PTK2: variants seen among roughly 807,000 people sequenced by gnomAD.
The protein encoded by PTK2 is focal adhesion kinase 1.
A neutral mutation model predicts 150.1 loss-of-function variants in PTK2; 45 were observed. That is an observed-to-expected ratio of 0.30 (90% CI 0.24 to 0.38). The LOEUF is 0.38. Ranked by LOEUF, PTK2 falls within the 10% of genes least tolerant of loss-of-function variation. The pLI, the probability that PTK2 is intolerant of heterozygous loss-of-function variation, is 1.00. For missense variants in PTK2, 919 were observed against 1,307.3 expected, an observed-to-expected ratio of 0.70 and a Z score of 4.58; for synonymous variants, 432 against 449.2, an observed-to-expected ratio of 0.96 and a Z score of 0.48.
At chr8:140,983,065 A>T (rs982389457) in intron 1 of PTK2, among the ~76,000 whole-genome samples, 1 of 152,208 alleles carries the variant, frequency 6.6e-6, no homozygotes, top group South Asian at 2.1e-4. Flanking sequence ...ACTAGTGGCA[A>T]CTAAAAAAAG....
At chr8:140,882,603 C>A (rs1038282080) in intron 3 of PTK2, among the ~76,000 whole-genome samples, 6 of 152,120 alleles carry the variant, frequency 3.9e-5, no homozygotes, top group African/African-American at 1.4e-4. Flanking sequence ...TAAAAGAATT[C>A]TTTTCAAGGT....
intron 1 of PTK2, among the ~76,000 whole-genome samples, chr8:140,949,658 C>T (rs778799321): frequency 5.3e-5 from 8 of 152,310 alleles, no homozygotes; most frequent in Non-Finnish European, 8.8e-5. Context: ...CTGACAAGCA[C>T]GGGAGGGAGG....
chr8:140,879,698 A>AG (rs2100147959), intron 3 of PTK2, 61 bp from the exon 4 acceptor site: 1 of 1,233,844 alleles, frequency 8.1e-7, no homozygotes, highest in Admixed American at 3.0e-5. Context: ...AAAAAAAAAA[A>AG]AAACCAAAAC....
intron 19 of PTK2, among the ~76,000 whole-genome samples, chr8:140,744,378 A>G (rs1172562634): frequency 6.6e-6 from 1 of 152,222 alleles, no homozygotes; most frequent in African/African-American, 2.4e-5. Flanking sequence ...AAAGTATCAC[A>G]ATGTTTTAAA....
At chr8:140,963,254 A>T (rs1313452407) in intron 1 of PTK2, among the ~76,000 whole-genome samples, 1 of 152,174 alleles carries the variant, frequency 6.6e-6, no homozygotes, top group African/African-American at 2.4e-5. Flanking sequence ...GAGTCTTAGG[A>T]GTACTCAGTC....
chr8:140,679,838 G>A (rs2100016044), intron 27 of PTK2, among the ~76,000 whole-genome samples: 2 of 152,164 alleles, frequency 1.3e-5, no homozygotes, highest in Admixed American at 6.5e-5. Flanking sequence ...CCCTGAAGCC[G>A]TGGCACATTT....
chr8:140,856,438 CACT>C (rs2100132684), intron 5 of PTK2, among the ~76,000 whole-genome samples: 1 of 152,036 alleles, frequency 6.6e-6, no homozygotes. Flanking sequence ...TGGATAAATA[CACT>C]ACGATATATT....
intron 1 of PTK2, chr8:140,954,785 T>C (rs1358465435): frequency 1.3e-5 from 2 of 152,138 alleles, no homozygotes; most frequent in African/African-American, 2.4e-5. Context: ...CAAATGACAA[T>C]TTAAAAAAAT....
exon 31 of PTK2, chr8:140,664,974 T>C (rs1379285720): frequency 3.7e-6 from 6 of 1,613,630 alleles, no homozygotes; most frequent in Non-Finnish European, 8.5e-7. Context: ...TGGCCAATAA[T>C]GTCCTCAGGG....
At chr8:140,913,782 T>C (rs751168389) in intron 2 of PTK2, among the ~76,000 whole-genome samples, 5 of 152,176 alleles carry the variant, frequency 3.3e-5, no homozygotes, top group Admixed American at 6.5e-5. Context: ...AATCAATCCA[T>C]AGATTCAACA....
chr8:140,815,059 C>A (rs944619238), intron 10 of PTK2, among the ~76,000 whole-genome samples: 2 of 152,140 alleles, frequency 1.3e-5, no homozygotes, highest in African/African-American at 2.4e-5. Context: ...CAGGTGTGAG[C>A]CACCGCGCCC....
At chr8:140,937,673 G>C (rs1383133142) in intron 1 of PTK2, among the ~76,000 whole-genome samples, 1 of 151,624 alleles carries the variant, frequency 6.6e-6, no homozygotes, top group Non-Finnish European at 1.5e-5. Context: ...ACTACATACA[G>C]GGTTTAATGT....
chr8:140,689,735 T>G (rs1243224380), intron 26 of PTK2, among the ~76,000 whole-genome samples: 2 of 152,224 alleles, frequency 1.3e-5, no homozygotes, highest in Non-Finnish European at 2.9e-5. Flanking sequence ...TGTTAACAAC[T>G]GGAGACTCTA....
chr8:140,804,313 A>G (rs918916703), intron 10 of PTK2, among the ~76,000 whole-genome samples: 1 of 151,468 alleles, frequency 6.6e-6, no homozygotes, highest in Non-Finnish European at 1.5e-5. Context: ...TAGAGTTGGG[A>G]GCAATGGTTC....
At chr8:140,910,701 C>T (rs2100162792) in intron 2 of PTK2, among the ~76,000 whole-genome samples, 1 of 152,188 alleles carries the variant, frequency 6.6e-6, no homozygotes, top group African/African-American at 2.4e-5. Context: ...GAAAGAACAT[C>T]ATGAAATCTT....
chr8:140,734,936 T>C, intron 22 of PTK2: 1 of 436,552 alleles, frequency 2.3e-6, no homozygotes, highest in Non-Finnish European at 4.3e-6. Flanking sequence ...AGATGGAGGG[T>C]TGTGTTAGAT....
chr8:140,911,728 C>A (rs1390939429), intron 2 of PTK2, among the ~76,000 whole-genome samples: 2 of 119,554 alleles, frequency 1.7e-5, no homozygotes, highest in Non-Finnish European at 4.2e-5. Context: ...GCTACTATTG[C>A]TATCACTATA....
chr8:140,697,020 G>C (rs2100027003), intron 26 of PTK2, among the ~76,000 whole-genome samples: 1 of 151,250 alleles, frequency 6.6e-6, no homozygotes, highest in African/African-American at 2.4e-5. Context: ...TGTAGTCCCA[G>C]CTACTTGGGA....
chr8:140,891,623 G>C (rs192618873), intron 2 of PTK2, among the ~76,000 whole-genome samples: 1 of 152,192 alleles, frequency 6.6e-6, no homozygotes, highest in Non-Finnish European at 1.5e-5. Flanking sequence ...GAATGGGAGA[G>C]AAACCAGCAG....
Sources: allele counts gnomAD v4.1 joint callset (sites outside exome capture counted in the v4.1 genomes callset), GRCh38; gene constraint gnomAD v4.1.1; transcripts MANE v1.5; gene names NCBI Gene and HGNC (gene_info 2026-07-23, HGNC 2026-07-21).